Variants in CLVS1 observed in about 807,000 individuals in gnomAD.
CLVS1 encodes clavesin-1.
A neutral mutation model predicts 33.1 loss-of-function variants in CLVS1; 10 were observed. The ratio of observed to expected loss-of-function variants is 0.30; its 90% CI spans 0.19 to 0.51. CLVS1 has a LOEUF of 0.51. Among genes scored for constraint, CLVS1 ranks in the 20% least tolerant of loss-of-function variants. The pLI, the probability that CLVS1 is intolerant of heterozygous loss-of-function variation, is 0.97. For missense variants in CLVS1, 343 were observed against 433.4 expected (o/e 0.79, Z 1.85); for synonymous variants, 163 against 166.1 (o/e 0.98, Z 0.14).
chr8:61,257,463 A>AT (rs1809108348), intron 2 of CLVS1, among the ~76,000 whole-genome samples: 1 of 152,190 alleles, frequency 6.6e-6, no homozygotes, highest in Admixed American at 6.5e-5. Context: ...TAGGTGAATG[A>AT]TTTTCAATGC....
At chr8:61,250,826 G>A (rs1293816943) in intron 2 of CLVS1, among the ~76,000 whole-genome samples, 1 of 152,276 alleles carries the variant, frequency 6.6e-6, no homozygotes, top group East Asian at 1.9e-4. Context: ...CTGAGAGGAT[G>A]GGGTTTTCTA....
intron 1 of CLVS1, among the ~76,000 whole-genome samples, chr8:61,061,028 ACT>A (rs1804574021): frequency 6.6e-6 from 1 of 151,974 alleles, no homozygotes; most frequent in Non-Finnish European, 1.5e-5. Flanking sequence ...TGATGACCAG[ACT>A]CTGTTACTCA....
chr8:61,115,016 T>C (rs1466292007), intron 1 of CLVS1, among the ~76,000 whole-genome samples: 1 of 152,246 alleles, frequency 6.6e-6, no homozygotes, highest in African/African-American at 2.4e-5. Flanking sequence ...GCTGGACTTT[T>C]GTAAGTTCCA....
At chr8:61,214,712 C>T (rs1052866070) in intron 2 of CLVS1, among the ~76,000 whole-genome samples, 10 of 152,178 alleles carry the variant, frequency 6.6e-5, no homozygotes, top group African/African-American at 1.4e-4. Flanking sequence ...CTCAGGCATC[C>T]GTCCAACTTT....
At chr8:61,083,111 T>C (rs1331054220) in intron 1 of CLVS1, among the ~76,000 whole-genome samples, 11 of 152,074 alleles carry the variant, frequency 7.2e-5, no homozygotes, top group Admixed American at 6.6e-4. Context: ...AGGAAAATGT[T>C]GTAAGTAGGA....
At chr8:61,179,395 A>G (rs1746482479) in intron 2 of CLVS1, among the ~76,000 whole-genome samples, 1 of 152,198 alleles carries the variant, frequency 6.6e-6, no homozygotes, top group Non-Finnish European at 1.5e-5. Flanking sequence ...TAATAGTGGG[A>G]GACTTTAACA....
At chr8:61,322,613 A>G (rs1811235829) in intron 2 of CLVS1, among the ~76,000 whole-genome samples, 1 of 152,180 alleles carries the variant, frequency 6.6e-6, no homozygotes, top group Non-Finnish European at 1.5e-5. Context: ...TAAGTAATAA[A>G]TATAGAGAAG....
intron 3 of CLVS1, among the ~76,000 whole-genome samples, chr8:61,378,678 C>CCA (rs1813746139): frequency 2.0e-5 from 3 of 152,182 alleles, no homozygotes; most frequent in African/African-American, 7.2e-5. Context: ...AGCTTGTTGA[C>CCA]TTGGCCATGC....
At chr8:60,976,109 C>T in the CLVS1 span, among the ~76,000 whole-genome samples, 1 of 152,170 alleles carries the variant, frequency 6.6e-6, no homozygotes, top group Non-Finnish European at 1.5e-5. Context: ...TTCTGACCTT[C>T]TAGCTTTAAA....
At chr8:61,283,913 G>C (rs895491326), upstream of CLVS1, among the ~76,000 whole-genome samples, 3 of 152,120 alleles carry the variant, frequency 2.0e-5, no homozygotes, top group Non-Finnish European at 4.4e-5. Flanking sequence ...AAAACATTTG[G>C]CAAAATGGTC....
chr8:61,190,586 C>G (rs532943219), intron 2 of CLVS1, among the ~76,000 whole-genome samples: 5 of 152,164 alleles, frequency 3.3e-5, no homozygotes, highest in Non-Finnish European at 7.4e-5. Flanking sequence ...AATCCAGGAG[C>G]TGGTTTTTTG....
rs563084526 is a variant in CLVS1 at position 61,316,204 on chromosome 8, C to T, written c.455+15922C>T. ...ATTCTACTACAAAGCCATATGCACA[C>T]GTATGTTTATTGCAGCACTATTCAC... On this transcript the variant is annotated intron_variant, in intron 2 of 5. Transcript: ENST00000325897. 6.6e-5 allele frequency among the ~76,000 whole-genome samples: 10 copies of T among 152,318 alleles called. No individual in the cohort carries two copies. The South Asian group carries it at 1.2e-3, about 19-fold the overall frequency.
Position 61,239,101 on chromosome 8 carries a change from A to C in CLVS1, c.-151-60576A>C, listed in dbSNP as rs527352117. 3.3e-5 allele frequency among the ~76,000 whole-genome samples: 5 copies of C among 152,336 alleles called. No homozygotes were observed. The East Asian group carries it at 9.6e-4, about 29-fold the overall frequency. On this transcript the variant is annotated intron_variant, in intron 2 of 2. Coordinates refer to the CLVS1 transcript ENST00000522621. ...AAAAATGGTATCTAATTTTTGTTTCAAAACAAAAAACTATACCTTTTTAAA... is the reference window on the plus strand; with the variant it reads ...AAAAATGGTATCTAATTTTTGTTTCCAAACAAAAAACTATACCTTTTTAAA...
chr8:61,406,943 C>A (rs1287694598), intron 3 of CLVS1, among the ~76,000 whole-genome samples: 2 of 152,084 alleles, frequency 1.3e-5, no homozygotes, highest in East Asian at 3.8e-4. Flanking sequence ...ATTGTCTAAT[C>A]AAAAATTCTC....
At chr8:61,337,438 A>ACTGCCCAGCACTGGACAGTCCCT (rs1811846358) in intron 2 of CLVS1, among the ~76,000 whole-genome samples, 3 of 152,100 alleles carry the variant, frequency 2.0e-5, no homozygotes. Context: ...AGGCTCTCCC[A>ACTGCCCAGCACTGGACAGTCCCT]CTGCCCAGCA....
chr8:61,199,787 C>G (rs924951814), intron 2 of CLVS1, among the ~76,000 whole-genome samples: 4 of 152,230 alleles, frequency 2.6e-5, no homozygotes, highest in African/African-American at 9.7e-5. Context: ...GGGGCTTTGT[C>G]TCATCCCACT....
At chr8:61,212,125 G>T (rs951936577) in intron 2 of CLVS1, among the ~76,000 whole-genome samples, 1 of 152,168 alleles carries the variant, frequency 6.6e-6, no homozygotes, top group Admixed American at 6.5e-5. Context: ...GCAGTTTGTC[G>T]CAGTAGCCAT....
intron 2 of CLVS1, among the ~76,000 whole-genome samples, chr8:61,278,350 C>T (rs746008534): frequency 2.0e-5 from 3 of 152,198 alleles, no homozygotes; most frequent in Admixed American, 1.3e-4. Context: ...CTTTAAATAG[C>T]ATAAGTTTAC....
chr8:61,106,294 A>G (rs191344854), intron 1 of CLVS1, among the ~76,000 whole-genome samples: 1 of 152,256 alleles, frequency 6.6e-6, no homozygotes, highest in Non-Finnish European at 1.5e-5. Flanking sequence ...AACAACACAC[A>G]AGCACACACC....
Sources: allele counts gnomAD v4.1 joint callset (sites outside exome capture counted in the v4.1 genomes callset), GRCh38; gene constraint gnomAD v4.1.1; transcripts MANE v1.5; gene names NCBI Gene and HGNC (gene_info 2026-07-23, HGNC 2026-07-21).